The following PHKB variants were observed in gnomAD, a reference collection of about 807,000 sequenced individuals.
PHKB encodes the protein phosphorylase b kinase regulatory subunit beta.
In PHKB, 122 loss-of-function variants were observed where a neutral mutation model predicts 152.1. That is an observed-to-expected ratio of 0.80 (90% CI 0.69 to 0.93). The LOEUF is 0.93. Among genes scored for constraint, PHKB ranks in the 40% least tolerant of loss-of-function variants. The pLI, the probability that PHKB is intolerant of heterozygous loss-of-function variation, is 0.00. For synonymous variants in PHKB, 436 were observed against 464.9 expected (o/e 0.94, Z 0.80); for missense variants, 1,304 against 1,328.4 (o/e 0.98, Z 0.29).
In PHKB at chr16:47,589,068, C is replaced by G. The variant is rs1482549781; in HGVS notation, c.1034C>G (p.Pro345Arg). 5.0e-6 allele frequency: 8 copies of G among 1,612,890 alleles called. No homozygotes were observed. The highest frequency in any genetic ancestry group is 6.8e-6 in the Non-Finnish European group (8 of 1,179,154). The change falls in exon 10 of 31, where the codon CCC becomes CGC. Residue 345 changes from proline (P) to arginine (R), a missense_variant. By Grantham distance (103) the Pro-to-Arg change is moderately radical (BLOSUM62 -2). Coordinates refer to ENST00000323584, the MANE Select transcript of PHKB (RefSeq NM_000293.3). ...GGGTATAGAACATCATTGGAAGATCCCAACAGATGCTACTACAAGCCAGCT... is the reference window on the plus strand; with the variant it reads ...GGGTATAGAACATCATTGGAAGATCGCAACAGATGCTACTACAAGCCAGCT... Reference protein sequence around the residue: ...RDGYRTSLEDPNRCYYKPAEI... With the variant: ...RDGYRTSLEDRNRCYYKPAEI...
At chr16:47,488,580 T>C (rs1336297860) in intron 1 of PHKB, among the ~76,000 whole-genome samples, 1 of 152,228 alleles carries the variant, frequency 6.6e-6, no homozygotes, top group Non-Finnish European at 1.5e-5. Flanking sequence ...GGTTTTAAGT[T>C]TTACATTTAA....
Position 47,508,318 on chromosome 16 carries a change from CTT to C in PHKB, c.406-3344_406-3343del, listed in dbSNP as rs1970454347. On this transcript the variant is annotated intron_variant, in intron 4 of 30. Coordinates refer to ENST00000323584, the MANE Select transcript of PHKB (RefSeq NM_000293.3). ...AGATACCTATTCTCTTATTTACTGT[CTT>C]TTATAATTCTGCCTACAGAGAGGCA... Among the ~76,000 whole-genome samples the C allele has an allele frequency of 2.6e-5, 4 of 152,182 alleles. No individual in the cohort carries two copies. In the South Asian group the frequency reaches 8.3e-4, roughly 32 times the overall value.
At position 47,533,085 on chromosome 16, in the gene PHKB, C is replaced by G. The variant is rs9922236; in HGVS notation, c.595-14348C>G. ...GCAGGTCATCCCATCATCTCTGCAG[C>G]TCTCAGCAGAGAGGAGTTTCTGGAG... On this transcript the variant is annotated intron_variant, in intron 6 of 30. Coordinates refer to ENST00000323584, the MANE Select transcript of PHKB (RefSeq NM_000293.3). Among the ~76,000 whole-genome samples the G allele has an allele frequency of 4.2e-3, 634 of 152,232 alleles. 6 individuals are homozygous for G. Among genetic ancestry groups the G allele is most frequent in the African/African-American group, 0.015 (604 of 41,550 alleles).
chr16:47,468,948 G>C (rs570983312), intron 1 of PHKB, among the ~76,000 whole-genome samples: 1 of 152,234 alleles, frequency 6.6e-6, no homozygotes, highest in African/African-American at 2.4e-5. Flanking sequence ...TATCTTAAAT[G>C]TAGCCTCTTT....
intron 6 of PHKB, among the ~76,000 whole-genome samples, chr16:47,521,590 G>A (rs1347870831): frequency 6.6e-6 from 1 of 152,036 alleles, no homozygotes; most frequent in Admixed American, 6.6e-5. Context: ...GGGAGGCGGA[G>A]GTTGTGGTAA....
chr16:47,593,315 C>T (rs939116344), intron 10 of PHKB, among the ~76,000 whole-genome samples, 185 bp from the exon 11 acceptor site: 6 of 151,904 alleles, frequency 3.9e-5, no homozygotes, highest in African/African-American at 1.5e-4. Context: ...TCTATAGTCC[C>T]AGCCCTCCCA....
At chr16:47,658,211 T>G (rs1973372902) in intron 20 of PHKB, among the ~76,000 whole-genome samples, 2 of 152,182 alleles carry the variant, frequency 1.3e-5, no homozygotes, top group Non-Finnish European at 1.5e-5. Context: ...CTAAGCATGC[T>G]CCTGCCTCAG....
At chr16:47,654,917 T>G (rs1973307872) in intron 20 of PHKB, among the ~76,000 whole-genome samples, 1 of 151,758 alleles carries the variant, frequency 6.6e-6, no homozygotes, top group African/African-American at 2.4e-5. Flanking sequence ...CAAACCTGCA[T>G]GTTGTGCACA....
intron 20 of PHKB, among the ~76,000 whole-genome samples, chr16:47,656,817 A>G (rs2151734925): frequency 6.6e-6 from 1 of 152,134 alleles, no homozygotes; most frequent in South Asian, 2.1e-4. Flanking sequence ...TTCATTCATT[A>G]CTAGGATCCC....
At chr16:47,674,263 T>C (rs1973687788) in intron 26 of PHKB, among the ~76,000 whole-genome samples, 1 of 152,066 alleles carries the variant, frequency 6.6e-6, no homozygotes. Flanking sequence ...ACAGACCGAA[T>C]AAATGAGATT....
At chr16:47,578,929 C>G (rs764209484) in intron 7 of PHKB, among the ~76,000 whole-genome samples, 1 of 151,454 alleles carries the variant, frequency 6.6e-6, no homozygotes, top group South Asian at 2.1e-4. Flanking sequence ...GAGAGACAGG[C>G]TTTTGTTGGG....
intron 13 of PHKB, among the ~76,000 whole-genome samples, chr16:47,604,747 G>A (rs191357720): frequency 3.3e-5 from 5 of 151,964 alleles, no homozygotes; most frequent in Admixed American, 2.0e-4. Flanking sequence ...TGCTTGGGGT[G>A]AGCCCAGGGT....
intron 1 of PHKB, chr16:47,462,588 C>G (rs936609699): frequency 2.0e-5 from 3 of 151,646 alleles, no homozygotes; most frequent in Non-Finnish European, 4.4e-5. Context: ...GAGTGGAGGT[C>G]GCACCACTGC....
chr16:47,512,975 A>G (rs1484765629), intron 5 of PHKB, among the ~76,000 whole-genome samples: 1 of 152,240 alleles, frequency 6.6e-6, no homozygotes, highest in Non-Finnish European at 1.5e-5. Flanking sequence ...ATTTGTAAAC[A>G]GCTCCTTGGA....
intron 3 of PHKB, among the ~76,000 whole-genome samples, chr16:47,502,193 A>G (rs1009580749): frequency 6.6e-6 from 1 of 152,186 alleles, no homozygotes; most frequent in African/African-American, 2.4e-5. Context: ...GATTAAGTGA[A>G]ACAATGAATA....
intron 6 of PHKB, among the ~76,000 whole-genome samples, chr16:47,546,873 C>T (rs1282493200): frequency 6.6e-6 from 1 of 152,134 alleles, no homozygotes; most frequent in Admixed American, 6.6e-5. Flanking sequence ...GCCGTTCTAA[C>T]AGTGAGCAAG....
intron 7 of PHKB, chr16:47,565,836 G>A: frequency 7.4e-7 from 1 of 1,352,786 alleles, no homozygotes; most frequent in Non-Finnish European, 1.0e-6. Flanking sequence ...AAAGACAGAA[G>A]CAGCTTGACT....
intron 23 of PHKB, among the ~76,000 whole-genome samples, chr16:47,662,017 A>G (rs1234831798): frequency 6.6e-6 from 1 of 152,048 alleles, no homozygotes; most frequent in Non-Finnish European, 1.5e-5. Context: ...GTGATGCTTG[A>G]TTGTTTCTCT....
At chr16:47,592,981 C>A (rs908652618) in intron 10 of PHKB, among the ~76,000 whole-genome samples, 6 of 151,950 alleles carry the variant, frequency 3.9e-5, no homozygotes, top group African/African-American at 1.5e-4. Context: ...GTGGTTCATG[C>A]CTGTAATGTC....
Sources: gnomAD v4.1 joint callset for allele counts (sites outside exome capture counted in the v4.1 genomes callset) on GRCh38, gnomAD v4.1.1 for gene constraint, MANE v1.5 for transcripts, NCBI Gene and HGNC (gene_info 2026-07-23, HGNC 2026-07-21) for gene names.